The following PDCD6IP variants were observed in gnomAD, a reference collection of about 807,000 sequenced individuals.
The protein encoded by PDCD6IP is programmed cell death 6-interacting protein.
A neutral mutation model predicts 103.7 loss-of-function variants in PDCD6IP; 43 were observed. That is an observed-to-expected ratio of 0.41 (90% CI 0.32 to 0.53). PDCD6IP has a LOEUF of 0.53. Ranked by LOEUF, PDCD6IP falls within the 20% of genes least tolerant of loss-of-function variation. The pLI, the probability that PDCD6IP is intolerant of heterozygous loss-of-function variation, is 0.16. For synonymous variants in PDCD6IP, 354 were observed against 378.7 expected (o/e 0.93, Z 0.76); for missense variants, 871 against 1,036.7 (o/e 0.84, Z 2.20).
intron 15 of PDCD6IP, among the ~76,000 whole-genome samples, chr3:33,858,304 C>T (rs1282388101): frequency 6.6e-6 from 1 of 152,168 alleles, no homozygotes; most frequent in African/African-American, 2.4e-5. Context: ...GACTCAACTT[C>T]ATAAAGATGT....
At chr3:33,838,545 TAA>T (rs995640504) in intron 9 of PDCD6IP, among the ~76,000 whole-genome samples, 4 of 150,504 alleles carry the variant, frequency 2.7e-5, no homozygotes, top group Non-Finnish European at 5.9e-5. Context: ...ATATGAGGAC[TAA>T]AAATTTGTAT....
At position 33,869,571 on chromosome 3, in the gene PDCD6IP, C is replaced by G. The variant is rs1490290999; in HGVS notation, c.*3046C>G. On this transcript the variant is annotated 3_prime_UTR_variant, in exon 18 of 18. Transcript: ENST00000307296. ...ATTATCACACCAGAGATTTTAGATT[C>G]TTTTCTGGTTAGAAACATTGCTGGT... is the stretch of plus-strand genomic sequence containing the variant. 6.6e-6 allele frequency: 1 copy of G among 152,060 alleles called. No homozygotes were observed. Among genetic ancestry groups the G allele is most frequent in the Non-Finnish European group, 1.5e-5 (1 of 68,002 alleles). 9.4% of individuals were successfully genotyped at this position (152,060 alleles called of 1,614,324 possible). A position where few individuals can be genotyped will look rare whatever the true frequency, so the allele number is the denominator to read the frequency against.
At chr3:33,837,698 C>G (rs1263324314) in intron 8 of PDCD6IP, among the ~76,000 whole-genome samples, 1 of 151,986 alleles carries the variant, frequency 6.6e-6, no homozygotes, top group East Asian at 1.9e-4. Context: ...AGACGATTCT[C>G]CTGCCTCAGC....
intron 15 of PDCD6IP, among the ~76,000 whole-genome samples, chr3:33,862,203 T>C (rs1460537327): frequency 2.6e-5 from 4 of 152,092 alleles, no homozygotes; most frequent in East Asian, 1.9e-4. Context: ...TAAAAACTTA[T>C]TTATTTTATA....
At chr3:33,827,301 T>G in intron 6 of PDCD6IP, 1 of 743,828 alleles carries the variant, frequency 1.3e-6, no homozygotes. Context: ...TTCAGAAATG[T>G]TCAAGGAATT....
chr3:33,867,597 A>G lies in PDCD6IP; in HGVS notation c.*1072A>G, dbSNP rs1370079865. The stretch of plus-strand genomic sequence containing the variant: ...GGAGCATACAAAACAATGGTTGGGA[A>G]CATATGCCAATTATGGAATAGGCTA... On this transcript the variant is annotated 3_prime_UTR_variant, in exon 18 of 18. Coordinates refer to ENST00000307296, the MANE Select transcript of PDCD6IP (RefSeq NM_013374.6). 1 of 152,212 alleles carries G rather than the reference A, an allele frequency of 6.6e-6. No individual in the cohort carries two copies. Among genetic ancestry groups the G allele is most frequent in the East Asian group, 1.9e-4 (1 of 5,202 alleles). 9.4% of individuals were successfully genotyped at this position (152,212 alleles called of 1,614,324 possible).
At chr3:33,842,118 C>A in intron 10 of PDCD6IP, 44 bp downstream of exon 10, 2 of 1,080,738 alleles carry the variant, frequency 1.9e-6, no homozygotes. Context: ...ACACTGTGAT[C>A]CCTTGATGTC....
intron 1 of PDCD6IP, among the ~76,000 whole-genome samples, chr3:33,802,678 C>T (rs1200009164): frequency 6.6e-6 from 1 of 151,918 alleles, no homozygotes; most frequent in Non-Finnish European, 1.5e-5. Flanking sequence ...TTGGTAGAGA[C>T]GGGCTTTCTC....
chr3:33,803,673 C>G (rs1444892982), intron 1 of PDCD6IP, among the ~76,000 whole-genome samples: 1 of 151,904 alleles, frequency 6.6e-6, no homozygotes, highest in Non-Finnish European at 1.5e-5. Context: ...TTTCTTATTC[C>G]TAATGTTGTG....
chr3:33,836,674 G>C (rs2125563141), intron 8 of PDCD6IP, among the ~76,000 whole-genome samples: 1 of 147,652 alleles, frequency 6.8e-6, no homozygotes, highest in Middle Eastern at 3.5e-3. Flanking sequence ...TGAGCAACTG[G>C]CAAAACCCTG....
At chr3:33,800,967 T>A (rs549484542) in intron 1 of PDCD6IP, among the ~76,000 whole-genome samples, 1 of 152,312 alleles carries the variant, frequency 6.6e-6, no homozygotes, top group East Asian at 1.9e-4. Flanking sequence ...GACTTAAATG[T>A]GTGAACTGTT....
intron 3 of PDCD6IP, among the ~76,000 whole-genome samples, chr3:33,816,737 C>T (rs1696863180): frequency 6.6e-6 from 1 of 152,016 alleles, no homozygotes; most frequent in African/African-American, 2.4e-5. Context: ...GTGGGTTGCT[C>T]ATTTCAGGAA....
intron 1 of PDCD6IP, among the ~76,000 whole-genome samples, chr3:33,804,689 C>T (rs1414161779): frequency 6.6e-6 from 1 of 152,164 alleles, no homozygotes; most frequent in Non-Finnish European, 1.5e-5. Flanking sequence ...AGGTGCTTTA[C>T]ACAGGAGATT....
intron 1 of PDCD6IP, among the ~76,000 whole-genome samples, chr3:33,805,947 G>A (rs553954095): frequency 9.2e-5 from 14 of 151,758 alleles, no homozygotes; most frequent in Middle Eastern, 3.4e-3. Context: ...GGGTTTCACC[G>A]TGTTAGCCAG....
intron 4 of PDCD6IP, among the ~76,000 whole-genome samples, chr3:33,823,872 G>A (rs1392738792): frequency 1.3e-5 from 2 of 152,150 alleles, no homozygotes; most frequent in South Asian, 2.1e-4. Context: ...TAGTATATGA[G>A]ATTTTAGAAA....
chr3:33,799,890 G>C (rs1045458055), intron 1 of PDCD6IP, among the ~76,000 whole-genome samples: 3 of 151,884 alleles, frequency 2.0e-5, no homozygotes, highest in Non-Finnish European at 4.4e-5. Context: ...GGAGGCCGAG[G>C]CGGGCGGATC....
chr3:33,848,864 T>C (rs1339218992), intron 12 of PDCD6IP, among the ~76,000 whole-genome samples: 2 of 152,220 alleles, frequency 1.3e-5, no homozygotes, highest in East Asian at 3.8e-4. Flanking sequence ...TTTACATTTT[T>C]AAAATGTAAA....
rs1428307943 is a variant in PDCD6IP at position 33,798,952 on chromosome 3, G to A, written c.209+15G>A. 2 of 1,516,640 alleles carry A rather than the reference G, an allele frequency of 1.3e-6. No individual in the cohort carries two copies. Among genetic ancestry groups the A allele is most frequent in the African/African-American group, 2.8e-5 (2 of 72,228 alleles). The allele number at this position is 1,516,640 out of a possible 1,614,324, so 93.9% of individuals were successfully genotyped here. ...ACGCTCCTGAGGTGGGCGCGGGGCT[G>A]GGAGTGGGTAGGTTGTCTGCCAGCC... On this transcript the variant is annotated intron_variant, in intron 1 of 17. Coordinates refer to ENST00000307296, the MANE Select transcript of PDCD6IP (RefSeq NM_013374.6).
At chr3:33,859,949 A>T (rs1697916286) in intron 15 of PDCD6IP, among the ~76,000 whole-genome samples, 1 of 152,216 alleles carries the variant, frequency 6.6e-6, no homozygotes, top group Non-Finnish European at 1.5e-5. Context: ...AAATAAAGCT[A>T]TACTTGTATA....
Sources: gnomAD v4.1 joint callset for allele counts (sites outside exome capture counted in the v4.1 genomes callset) on GRCh38, gnomAD v4.1.1 for gene constraint, MANE v1.5 for transcripts, NCBI Gene and HGNC (gene_info 2026-07-23, HGNC 2026-07-21) for gene names.